The following GTSF1 variants were observed in gnomAD, a reference collection of about 807,000 sequenced individuals.
The protein encoded by GTSF1 is gametocyte specific factor 1.
GTSF1 carries 11 observed loss-of-function variants against 28.9 expected under a neutral mutation model. The observed-to-expected ratio is 0.38, with a 90% CI of 0.24 to 0.63. The LOEUF (loss-of-function observed/expected upper bound fraction) is 0.63, where lower values mean the gene tolerates loss of function less well. Ranked by LOEUF, GTSF1 falls within the 30% of genes least tolerant of loss-of-function variation. The probability of loss-of-function intolerance (pLI) is 0.56; values close to 1 mark genes in which losing one functional copy is unlikely to be tolerated. For missense variants in GTSF1, 146 were observed against 201.0 expected (o/e 0.73, Z 1.66); for synonymous variants, 69 against 65.6 (o/e 1.05, Z -0.25).
At chr12:54,459,515 C>T (rs1956387456) in intron 7 of GTSF1, 2 of 1,155,330 alleles carry the variant, frequency 1.7e-6, no homozygotes, top group Admixed American at 5.6e-5. Flanking sequence ...CTTGGGTGTT[C>T]TCTATGTGGA....
chr12:54,471,342 A>T, intron 1 of GTSF1, 65 bp from the exon 2 acceptor site: 4 of 1,119,512 alleles, frequency 3.6e-6, no homozygotes, highest in Non-Finnish European at 3.8e-6. Flanking sequence ...TAACCCTAAG[A>T]AGTGGAGTCA....
chr12:54,461,498 T>TTAG (rs1956422556), intron 6 of GTSF1, among the ~76,000 whole-genome samples: 1 of 151,996 alleles, frequency 6.6e-6, no homozygotes, highest in African/African-American at 2.4e-5. Context: ...AAATAAAGAA[T>TTAG]TAGCTAGGTG....
At chr12:54,464,186 TAGA>T (rs1404114298) in intron 3 of GTSF1, among the ~76,000 whole-genome samples, 2 of 152,156 alleles carry the variant, frequency 1.3e-5, no homozygotes, top group African/African-American at 2.4e-5. Flanking sequence ...TTAAGAACAT[TAGA>T]AGAAGGGAAT....
chr12:54,471,515 A>G (rs1956593963), intron 1 of GTSF1, among the ~76,000 whole-genome samples: 1 of 152,202 alleles, frequency 6.6e-6, no homozygotes, highest in Non-Finnish European at 1.5e-5. Flanking sequence ...AATAGTTAAG[A>G]AAAACCAAAT....
At chr12:54,469,502 A>G (rs1237253106) in intron 2 of GTSF1, among the ~76,000 whole-genome samples, 2 of 151,502 alleles carry the variant, frequency 1.3e-5, no homozygotes, top group African/African-American at 4.8e-5. Context: ...AGCCTGGCCA[A>G]CATGGCGAAA....
chr12:54,459,285 T>A, intron 7 of GTSF1, 160 bp from the exon 8 acceptor site: 1 of 1,438,840 alleles, frequency 7.0e-7, no homozygotes, highest in Middle Eastern at 1.8e-4. Context: ...TTCAAGAGCA[T>A]GGGAAAAGAA....
intron 4 of GTSF1, 100 bp downstream of exon 4, chr12:54,463,071 T>C: frequency 2.4e-6 from 3 of 1,245,986 alleles, no homozygotes; most frequent in Non-Finnish European, 3.4e-6. Flanking sequence ...ATTGTTCTTC[T>C]AAAACACTGA....
chr12:54,471,536 T>C (rs961767495), intron 1 of GTSF1, among the ~76,000 whole-genome samples: 1 of 152,200 alleles, frequency 6.6e-6, no homozygotes. Context: ...ATGACTCCTA[T>C]AGTTCAAATT....
chr12:54,468,729 G>C (rs1956555229), intron 2 of GTSF1: 1 of 152,200 alleles, frequency 6.6e-6, no homozygotes, highest in East Asian at 1.9e-4. Context: ...AAAGAGAGAA[G>C]ACAGAGATGT....
intron 7 of GTSF1, chr12:54,459,368 A>G: frequency 7.1e-7 from 1 of 1,417,012 alleles, no homozygotes; most frequent in South Asian, 1.3e-5. Context: ...GCAAGTATCC[A>G]GGGAGAAACG....
Position 54,459,123 on chromosome 12 carries a change from C to A in GTSF1, c.490G>T (p.Gly164Ter). ...TAGGTATTCAGTTACTGTGCATTTC[C>A]ATCTACAAGTAGAAATATTTCAAAA... ...LPYVLPWKNN[G>*]NAQ The change falls in exon 8 of 9, where the codon GGA (glycine) becomes TGA (stop). Residue 164 changes from glycine (G) to a stop codon, truncating the protein, a stop_gained and splice_region_variant. Coordinates refer to ENST00000305879, the MANE Select transcript of GTSF1 (RefSeq NM_144594.3). LOFTEE classifies it high-confidence loss of function. 6.2e-7 allele frequency: 1 copy of A among 1,604,448 alleles called. No homozygotes were observed. The highest frequency in any genetic ancestry group is 1.7e-5 in the Admixed American group (1 of 59,130).
intron 4 of GTSF1, 26 bp from the exon 5 acceptor site, chr12:54,462,751 AAG>A (rs952495216): frequency 1.9e-6 from 3 of 1,583,186 alleles, no homozygotes; most frequent in Admixed American, 3.4e-5. Flanking sequence ...GATTGGATAT[AAG>A]AGGGGGATAT....
chr12:54,464,870 G>T, intron 3 of GTSF1, 197 bp downstream of exon 3: 1 of 401,430 alleles, frequency 2.5e-6, no homozygotes, highest in Non-Finnish European at 4.6e-6. Context: ...TAGTTAATGG[G>T]AAGAAAACCA....
chr12:54,466,032 C>A (rs1956508004), intron 2 of GTSF1, among the ~76,000 whole-genome samples: 1 of 152,116 alleles, frequency 6.6e-6, no homozygotes, highest in African/African-American at 2.4e-5. Context: ...AAAAACAGAA[C>A]CTTCTGAGGT....
intron 8 of GTSF1, among the ~76,000 whole-genome samples, chr12:54,456,824 G>A (rs951639523): frequency 1.3e-5 from 2 of 152,086 alleles, no homozygotes; most frequent in African/African-American, 4.8e-5. Flanking sequence ...GGTGGCTCCT[G>A]CCTGTAATCC....
chr12:54,457,697 C>T lies in GTSF1; in HGVS notation c.*20+1392G>A, dbSNP rs112151352. On this transcript the variant is annotated intron_variant, in intron 8 of 8. Coordinates refer to ENST00000305879, the MANE Select transcript of GTSF1 (RefSeq NM_144594.3). The stretch of plus-strand genomic sequence containing the variant: ...CCTTGATCTCCTGGGCTCAAGTGAT[C>T]CTCCTGTCTCAGCCTCTCAAGTAGC... 2.5e-3 allele frequency among the ~76,000 whole-genome samples: 379 copies of T among 152,304 alleles called. 2 individuals are homozygous for T. Among genetic ancestry groups the T allele is most frequent in the African/African-American group, 8.5e-3 (352 of 41,572 alleles).
chr12:54,470,183 A>G (rs1315274262), intron 2 of GTSF1, among the ~76,000 whole-genome samples: 1 of 152,212 alleles, frequency 6.6e-6, no homozygotes, highest in East Asian at 1.9e-4. Flanking sequence ...CTCAAAAGAA[A>G]GAAAACAAAA....
chr12:54,468,017 T>G (rs2120790060), intron 2 of GTSF1, among the ~76,000 whole-genome samples: 1 of 152,244 alleles, frequency 6.6e-6, no homozygotes, highest in South Asian at 2.1e-4. Flanking sequence ...TGCCTCAGCC[T>G]CCCAAAGTGC....
chr12:54,459,061 G>A, intron 8 of GTSF1, 28 bp downstream of exon 8: 1 of 1,522,334 alleles, frequency 6.6e-7, no homozygotes, highest in Non-Finnish European at 9.0e-7. Context: ...CATCTGAAGA[G>A]ACAGTGAAAT....
Sources: gnomAD v4.1 joint callset for allele counts (sites outside exome capture counted in the v4.1 genomes callset) on GRCh38, gnomAD v4.1.1 for gene constraint, MANE v1.5 for transcripts, NCBI Gene and HGNC (gene_info 2026-07-23, HGNC 2026-07-21) for gene names.